RAB6A: variants seen among roughly 807,000 people sequenced by gnomAD.
RAB6A encodes RAB6A, member RAS oncogene family.
In RAB6A, 8 loss-of-function variants were observed where a neutral mutation model predicts 32.3. The observed-to-expected ratio is 0.25, with a 90% CI of 0.15 to 0.45. The LOEUF is 0.45. Among genes scored for constraint, RAB6A ranks in the 20% least tolerant of loss-of-function variants. The pLI is 1.00. For synonymous variants in RAB6A, 73 were observed against 82.1 expected (o/e 0.89, Z 0.60); for missense variants, 104 against 249.4 (o/e 0.42, Z 3.93).
At chr11:73,679,516 A>T in intron 7 of RAB6A, 138 bp downstream of exon 7, 3 of 1,032,158 alleles carry the variant, frequency 2.9e-6, no homozygotes, top group Non-Finnish European at 4.2e-6. Context: ...TGCTATAGAA[A>T]ACAAATGAAT....
At chr11:73,709,962 T>TA (rs113487024) in intron 5 of RAB6A, among the ~76,000 whole-genome samples, 20,224 of 132,396 alleles carry the variant, frequency 0.15, 1,645 homozygotes, top group South Asian at 0.28. Flanking sequence ...TATATATATA[T>TA]TTTTTTTTTT....
In RAB6A at chr11:73,677,648, T is replaced by A. The variant is rs185274837; in HGVS notation, c.*250A>T. On this transcript the variant is annotated 3_prime_UTR_variant, in exon 8 of 8. Coordinates refer to ENST00000336083, the MANE Select transcript of RAB6A (RefSeq NM_198896.2). ...AAAAATGTTAAGAAAATGTATCTAATTTTTAAAGTTATCACTGGAATATGC... is the reference window on the plus strand; with the variant it reads ...AAAAATGTTAAGAAAATGTATCTAAATTTTAAAGTTATCACTGGAATATGC... 166 of 953,806 alleles carry A rather than the reference T, an allele frequency of 1.7e-4. No homozygotes were observed. The African/African-American group carries it at 2.6e-3, about 15-fold the overall frequency. The allele number at this position is 953,806 out of a possible 1,614,324, so 59.1% of individuals were successfully genotyped here.
At chr11:73,695,210 A>C (rs1268440255) in intron 6 of RAB6A, among the ~76,000 whole-genome samples, 1 of 152,000 alleles carries the variant, frequency 6.6e-6, no homozygotes, top group African/African-American at 2.4e-5. Context: ...TTTCAAATTC[A>C]AACTTACTTC....
chr11:73,676,472 T>C lies in RAB6A; in HGVS notation c.*1426A>G, dbSNP rs548731847. 1 of 165,682 alleles carries C rather than the reference T, an allele frequency of 6.0e-6. No individual in the cohort carries two copies. The highest frequency in any genetic ancestry group is 1.5e-5 in the Non-Finnish European group (1 of 67,786). The allele number at this position is 165,682 out of a possible 1,614,324, so 10.3% of individuals were successfully genotyped here. On this transcript the variant is annotated 3_prime_UTR_variant, in exon 8 of 8. Transcript: ENST00000336083. ...TAGATTCAACGAAACATCTGAAGAT[T>C]GAAAGTTGTTAAAAAAAAAAAAGGC...
At chr11:73,754,309 T>C (rs1946712629) in intron 1 of RAB6A, among the ~76,000 whole-genome samples, 2 of 152,220 alleles carry the variant, frequency 1.3e-5, no homozygotes, top group South Asian at 4.1e-4. Context: ...CCCAGCAGTT[T>C]ACAAAGAGTG....
intron 6 of RAB6A, among the ~76,000 whole-genome samples, chr11:73,705,410 T>C (rs1018083171): frequency 2.6e-5 from 4 of 152,050 alleles, no homozygotes; most frequent in African/African-American, 9.7e-5. Flanking sequence ...TAGCCGGGAA[T>C]GGTGCTGCAC....
intron 5 of RAB6A, among the ~76,000 whole-genome samples, chr11:73,709,737 A>C (rs77841420): frequency 0.053 from 7,989 of 149,444 alleles, 349 homozygotes; most frequent in East Asian, 0.17. Flanking sequence ...ATGTGGGCTC[A>C]TTCCTCCTGG....
rs758386935 is a variant in RAB6A, at chr11:73,760,640, G to A, written c.-5C>T. The stretch of plus-strand genomic sequence containing the variant: ...GAAGTCTCCGCCCGTGGACATTGTG[G>A]AACTAGAGGAGCGGCCGCCGCCTCA... On this transcript the variant is annotated 5_prime_UTR_variant, in exon 1 of 8. Transcript: ENST00000336083. 2 of 1,607,852 alleles carry A rather than the reference G, an allele frequency of 1.2e-6. No homozygotes were observed. The highest frequency in any genetic ancestry group is 1.7e-6 in the Non-Finnish European group (2 of 1,177,436).
intron 1 of RAB6A, among the ~76,000 whole-genome samples, chr11:73,739,570 G>A (rs1255310636): frequency 2.0e-5 from 3 of 151,234 alleles, no homozygotes; most frequent in Non-Finnish European, 4.4e-5. Context: ...CCAAGTCCTT[G>A]GGCTCAAGAA....
intron 1 of RAB6A, among the ~76,000 whole-genome samples, chr11:73,757,661 T>C (rs191877133): frequency 6.6e-5 from 10 of 152,342 alleles, no homozygotes; most frequent in African/African-American, 2.4e-4. Flanking sequence ...TCCTATTTTT[T>C]GAATGAAATG....
At chr11:73,678,058 C>T (rs1182122813) in intron 7 of RAB6A, 96 bp from the exon 8 acceptor site, 4 of 1,251,616 alleles carry the variant, frequency 3.2e-6, no homozygotes, top group Non-Finnish European at 4.6e-6. Flanking sequence ...TCCTATCTGT[C>T]TTCAGAGCCT....
chr11:73,743,911 C>A (rs1281370230), intron 1 of RAB6A, among the ~76,000 whole-genome samples: 1 of 152,118 alleles, frequency 6.6e-6, no homozygotes, highest in Admixed American at 6.6e-5. Flanking sequence ...AAGATTGCAT[C>A]TCTCTAAGAA....
chr11:73,709,963 T>TATA (rs200611952), intron 5 of RAB6A, among the ~76,000 whole-genome samples: 1,343 of 49,674 alleles, frequency 0.027, 34 homozygotes, highest in African/African-American at 0.099. Flanking sequence ...ATATATATAT[T>TATA]TTTTTTTTTT....
intron 1 of RAB6A, among the ~76,000 whole-genome samples, chr11:73,731,311 A>G (rs2134972967): frequency 6.6e-6 from 1 of 152,098 alleles, no homozygotes; most frequent in East Asian, 1.9e-4. Flanking sequence ...TTGGGAGGCC[A>G]ACGTGGGTGG....
At chr11:73,689,851 G>A (rs1945518756) in intron 6 of RAB6A, among the ~76,000 whole-genome samples, 2 of 133,994 alleles carry the variant, frequency 1.5e-5, no homozygotes, top group Admixed American at 8.6e-5. Flanking sequence ...AGTGGACATT[G>A]CAACACTGCA....
At chr11:73,759,260 A>G (rs978998500) in intron 1 of RAB6A, among the ~76,000 whole-genome samples, 1 of 152,198 alleles carries the variant, frequency 6.6e-6, no homozygotes, top group Non-Finnish European at 1.5e-5. Context: ...ATGGGCATGC[A>G]AAGTATGAGA....
intron 6 of RAB6A, chr11:73,704,243 C>T: frequency 2.4e-6 from 1 of 417,424 alleles, no homozygotes; most frequent in South Asian, 1.8e-5. Flanking sequence ...ATTAGCTGGG[C>T]ATGGTGGTGT....
intron 5 of RAB6A, among the ~76,000 whole-genome samples, chr11:73,708,699 C>T (rs566018724): frequency 1.3e-5 from 2 of 152,272 alleles, no homozygotes; most frequent in Middle Eastern, 3.4e-3. Flanking sequence ...TACAAATGTT[C>T]TAATTAGCTA....
intron 6 of RAB6A, among the ~76,000 whole-genome samples, chr11:73,693,109 G>C (rs1363585322): frequency 6.6e-6 from 1 of 151,864 alleles, no homozygotes; most frequent in Non-Finnish European, 1.5e-5. Flanking sequence ...CCAACATGGT[G>C]AAACTCCGTC....
Sources: allele counts gnomAD v4.1 joint callset (sites outside exome capture counted in the v4.1 genomes callset), GRCh38; gene constraint gnomAD v4.1.1; transcripts MANE v1.5; gene names NCBI Gene and HGNC (gene_info 2026-07-23, HGNC 2026-07-21).